The following FRAS1 variants were observed in gnomAD, a reference collection of about 807,000 sequenced individuals.
The protein encoded by FRAS1 is Fraser extracellular matrix complex subunit 1, also known as extracellular matrix organizing protein FRAS1.
A neutral mutation model predicts 435.2 loss-of-function variants in FRAS1; 290 were observed. That is an observed-to-expected ratio of 0.67 (90% CI 0.61 to 0.73). FRAS1 has a LOEUF of 0.73. Ranked by LOEUF, FRAS1 falls within the 30% of genes least tolerant of loss-of-function variation. The probability of loss-of-function intolerance (pLI) is 0.00; values close to 1 mark genes in which losing one functional copy is unlikely to be tolerated. For missense variants in FRAS1, 4,860 were observed against 5,001.5 expected, an observed-to-expected ratio of 0.97 and a Z score of 0.85; for synonymous variants, 1,800 against 1,851.0, an observed-to-expected ratio of 0.97 and a Z score of 0.71.
intron 2 of FRAS1, among the ~76,000 whole-genome samples, chr4:78,226,107 A>G (rs1010082754): frequency 1.1e-4 from 17 of 152,102 alleles, no homozygotes; most frequent in South Asian, 4.1e-4. Context: ...TGTGTTAAAC[A>G]TTGTATTTAC....
intron 2 of FRAS1, among the ~76,000 whole-genome samples, chr4:78,098,276 CTT>C (rs5859606): frequency 9.0e-5 from 12 of 132,736 alleles, no homozygotes; most frequent in Non-Finnish European, 1.1e-4. Flanking sequence ...TAGATCTTTT[CTT>C]TTTTTTTTTT....
At position 78,540,187 on chromosome 4, in the gene FRAS1, G is replaced by A. The variant is rs954918466; in HGVS notation, c.11446-344G>A. 6.6e-5 allele frequency among the ~76,000 whole-genome samples: 10 copies of A among 152,318 alleles called. No homozygotes were observed. The South Asian group carries it at 1.9e-3, about 28-fold the overall frequency. On this transcript the variant is annotated intron_variant, in intron 73 of 73. Coordinates refer to ENST00000512123, the MANE Select transcript of FRAS1 (RefSeq NM_025074.7). ...TAATTGAAGGTCACTGTAAATAAAT[G>A]TGGTTTTTAATGCTATTATTTCACT...
At chr4:78,399,099 T>C (rs1732782174) in intron 29 of FRAS1, among the ~76,000 whole-genome samples, 1 of 152,246 alleles carries the variant, frequency 6.6e-6, no homozygotes, top group Admixed American at 6.5e-5. Context: ...ACGTTTTTGA[T>C]GTTTTATAAA....
In FRAS1 at chr4:78,466,416, T is replaced by C. The variant is rs199596557; in HGVS notation, c.7238T>C (p.Ile2413Thr). ...GATGGGACAAACCCCTTCTTTATCA[T>C]TGAGGAAGGGGGAAAAGAGGTGAGG... is the stretch of plus-strand genomic sequence containing the variant. ...VSDGTNPFFIIEEGGKEIMTA... is the reference protein window; with the variant it reads ...VSDGTNPFFITEEGGKEIMTA... The change falls in exon 50 of 74, where the codon ATT (isoleucine) becomes ACT (threonine). Residue 2413 changes from isoleucine to threonine, a missense_variant. Coordinates refer to ENST00000512123, the MANE Select transcript of FRAS1 (RefSeq NM_025074.7). 508 of 1,613,104 alleles carry C rather than the reference T, an allele frequency of 3.1e-4. No homozygotes were observed. Among genetic ancestry groups the C allele is most frequent in the Admixed American group, 5.7e-4 (34 of 59,962 alleles).
intron 60 of FRAS1, 63 bp downstream of exon 60, chr4:78,497,024 A>G (rs1027155375): frequency 1.9e-5 from 25 of 1,292,486 alleles, no homozygotes; most frequent in African/African-American, 4.5e-5. Flanking sequence ...ATGTTTAACT[A>G]ATTATTAGTG....
In FRAS1 at chr4:78,513,399, AT is replaced by A; in HGVS notation, c.10024del (p.Ser3342ArgfsTer40). ...KHKEHPNRIH[I>X]SVQIPHQDGM... ...CTGCCTTTTTCCCCCTAGAATCCAC[AT>A]TTCGGTGCAGATCCCACACCAGGAT... On this transcript the variant is annotated frameshift_variant, in exon 65 of 74. Transcript: ENST00000512123. LOFTEE classifies it high-confidence loss of function. 6.2e-7 allele frequency: 1 copy of A among 1,613,708 alleles called. No homozygotes were observed. Among genetic ancestry groups the A allele is most frequent in the Non-Finnish European group, 8.5e-7 (1 of 1,179,744 alleles).
intron 2 of FRAS1, among the ~76,000 whole-genome samples, chr4:78,124,782 C>T (rs1719244632): frequency 6.6e-6 from 1 of 152,184 alleles, no homozygotes; most frequent in African/African-American, 2.4e-5. Context: ...ATAGTATTCT[C>T]TGATGGTAGT....
chr4:78,285,179 A>C (rs1345337318), intron 13 of FRAS1, among the ~76,000 whole-genome samples: 1 of 151,886 alleles, frequency 6.6e-6, no homozygotes, highest in African/African-American at 2.4e-5. Flanking sequence ...TTTCTGACTT[A>C]TGATGTTAAT....
intron 22 of FRAS1, among the ~76,000 whole-genome samples, chr4:78,364,975 C>T (rs1192610106): frequency 1.3e-5 from 2 of 152,080 alleles, no homozygotes; most frequent in Admixed American, 1.3e-4. Context: ...AACCACTAGG[C>T]CTCAGTTTCT....
At chr4:78,116,667 GT>G (rs1743209513) in intron 2 of FRAS1, among the ~76,000 whole-genome samples, 1 of 151,572 alleles carries the variant, frequency 6.6e-6, no homozygotes, top group South Asian at 2.1e-4. Flanking sequence ...GCCTTTTTTT[GT>G]TTTCCATTTG....
intron 27 of FRAS1, among the ~76,000 whole-genome samples, chr4:78,381,029 C>T (rs556838064): frequency 1.6e-4 from 24 of 152,124 alleles, no homozygotes; most frequent in Non-Finnish European, 2.8e-4. Flanking sequence ...AAACTGAGGC[C>T]TTGAGAGTAT....
intron 61 of FRAS1, among the ~76,000 whole-genome samples, chr4:78,500,752 T>C (rs912893360): frequency 2.6e-5 from 4 of 152,136 alleles, no homozygotes; most frequent in African/African-American, 9.7e-5. Context: ...CTCCATCCCA[T>C]CTGTGTCTGA....
intron 5 of FRAS1, among the ~76,000 whole-genome samples, chr4:78,253,381 A>G (rs1241153406): frequency 1.3e-5 from 2 of 152,212 alleles, no homozygotes; most frequent in Admixed American, 1.3e-4. Flanking sequence ...ATCAATTTGT[A>G]CAATAGTTGT....
In FRAS1 at chr4:78,387,492, A is replaced by G. The variant is rs766137656; in HGVS notation, c.3766A>G (p.Ile1256Val). ...DDNPQDVVIE[I>V]IDPPLHGQLL... is the part of the protein sequence containing the mutation. The stretch of plus-strand genomic sequence containing the variant: ...CAACCCACAGGATGTGGTCATTGAA[A>G]TAATCGATCCTCCACTTCATGGCCA... Residue 1256 changes from isoleucine to valine, a missense_variant, in exon 29 of 74, where the codon ATA (isoleucine) becomes GTA (valine). By Grantham distance (29) the Ile-to-Val change is conservative. Transcript: ENST00000512123. 4 of 1,613,590 alleles carry G rather than the reference A, an allele frequency of 2.5e-6. No individual in the cohort carries two copies. The African/African-American group carries it at 5.3e-5, about 22-fold the overall frequency.
rs1719952497 is a variant in FRAS1, at chr4:78,479,673, A to T, written c.8398A>T (p.Thr2800Ser). Reference protein sequence around the residue: ...VLISGPNDASTVSLGNTAFTV... With the variant: ...VLISGPNDASSVSLGNTAFTV... The stretch of plus-strand genomic sequence containing the variant: ...CATTAGTGGTCCCAACGATGCCTCG[A>T]CTGTGTCCCTGGGCAACACGGCTTT... Residue 2800 changes from threonine to serine, a missense_variant, in exon 56 of 74, where the codon ACT (threonine) becomes TCT (serine). Thr to Ser is a moderately conservative substitution (Grantham distance 58, BLOSUM62 1). Coordinates refer to ENST00000512123, the MANE Select transcript of FRAS1 (RefSeq NM_025074.7). The T allele has an allele frequency of 1.2e-6, 2 of 1,609,206 alleles. No homozygotes were observed. The highest frequency in any genetic ancestry group is 2.2e-5 in the South Asian group (2 of 90,424).
At chr4:78,360,895 T>C (rs1731049438) in intron 20 of FRAS1, among the ~76,000 whole-genome samples, 1 of 152,232 alleles carries the variant, frequency 6.6e-6, no homozygotes, top group Non-Finnish European at 1.5e-5. Context: ...AAGCATCCCC[T>C]TGGTAATTAT....
At chr4:78,311,044 G>A (rs1728996882) in intron 15 of FRAS1, among the ~76,000 whole-genome samples, 1 of 152,120 alleles carries the variant, frequency 6.6e-6, no homozygotes, top group Non-Finnish European at 1.5e-5. Context: ...ATTCAAAGGA[G>A]GAAACCTCCT....
chr4:78,182,791 A>G (rs1722077999), intron 2 of FRAS1, among the ~76,000 whole-genome samples: 1 of 151,670 alleles, frequency 6.6e-6, no homozygotes, highest in South Asian at 2.1e-4. Flanking sequence ...GAGGCACGAG[A>G]ATTGCTGGAA....
Position 78,499,869 on chromosome 4 carries a change from C to G in FRAS1, c.9264C>G (p.Ala3088=). 1.2e-6 allele frequency: 2 copies of G among 1,610,704 alleles called. No individual in the cohort carries two copies. The highest frequency in any genetic ancestry group is 1.7e-6 in the Non-Finnish European group (2 of 1,177,562). Residue 3088 remains alanine, a synonymous_variant, in exon 61 of 74, where the codon GCC becomes GCG. Coordinates refer to ENST00000512123, the MANE Select transcript of FRAS1 (RefSeq NM_025074.7). ...GCTGCAGCACGCGGGATGGCTCTGC[C>G]CAGTCTGGTGTGGATTATTACCCAA... ...KVRCSTRDGS[A]QSGVDYYPKS... is the part of the protein sequence containing the mutation.
Sources: allele counts gnomAD v4.1 joint callset (sites outside exome capture counted in the v4.1 genomes callset), GRCh38; gene constraint gnomAD v4.1.1; transcripts MANE v1.5; gene names NCBI Gene and HGNC (gene_info 2026-07-23, HGNC 2026-07-21).